Variants in GLUD1 observed in about 807,000 individuals in gnomAD.
GLUD1 encodes the protein glutamate dehydrogenase 1, mitochondrial.
Under a neutral mutation model 56.0 loss-of-function variants are expected in GLUD1, and 22 were observed. The ratio of observed to expected loss-of-function variants is 0.39; its 90% CI spans 0.28 to 0.56. GLUD1 has a LOEUF of 0.56. Ranked by LOEUF, GLUD1 falls within the 20% of genes least tolerant of loss-of-function variation. The pLI is 0.58. For missense variants in GLUD1, 451 were observed against 732.0 expected, an observed-to-expected ratio of 0.62 and a Z score of 4.43; for synonymous variants, 223 against 269.9, an observed-to-expected ratio of 0.83 and a Z score of 1.70.
In GLUD1 at chr10:87,066,105, G is replaced by A. The variant is rs187470118; in HGVS notation, c.741+1958C>T. On this transcript the variant is annotated intron_variant, in intron 5 of 12. Coordinates refer to ENST00000277865, the MANE Select transcript of GLUD1 (RefSeq NM_005271.5). ...TTCAGCATTGTCTATCTCTTGCACC[G>A]GTAAATCTGTGTCTTACAGCCAATA... is the stretch of plus-strand genomic sequence containing the variant. Among the ~76,000 whole-genome samples, 241 of 152,178 alleles carry A rather than the reference G, an allele frequency of 1.6e-3. 2 individuals carry two copies. The highest frequency in any genetic ancestry group is 5.4e-3 in the African/African-American group (226 of 41,512).
intron 11 of GLUD1, among the ~76,000 whole-genome samples, chr10:87,053,653 A>G (rs543349827): frequency 6.6e-6 from 1 of 152,348 alleles, no homozygotes; most frequent in African/African-American, 2.4e-5. Flanking sequence ...ATAAGATTAT[A>G]GTACAACAAT....
intron 4 of GLUD1, among the ~76,000 whole-genome samples, chr10:87,073,996 C>A (rs1846312246): frequency 6.6e-6 from 1 of 151,748 alleles, no homozygotes; most frequent in African/African-American, 2.4e-5. Flanking sequence ...TCTATTCAAA[C>A]AAATTAGAAG....
At chr10:87,053,230 A>G in intron 12 of GLUD1, 112 bp downstream of exon 12, 1 of 768,268 alleles carries the variant, frequency 1.3e-6, no homozygotes, top group East Asian at 2.5e-5. Flanking sequence ...AATGAGGACC[A>G]TTGAACAGAT....
chr10:87,075,679 T>C (rs559535477), intron 3 of GLUD1, among the ~76,000 whole-genome samples: 8 of 152,308 alleles, frequency 5.3e-5, no homozygotes, highest in African/African-American at 1.4e-4. Flanking sequence ...CCTAGCACTC[T>C]GGGAGGCCAA....
At chr10:87,060,074 A>T (rs1457839603) in intron 9 of GLUD1, 87 bp downstream of exon 9, 1 of 866,384 alleles carries the variant, frequency 1.2e-6, no homozygotes, top group Non-Finnish European at 2.0e-6. Context: ...CTTGGAGACT[A>T]ATAATTCCTC....
intron 11 of GLUD1, among the ~76,000 whole-genome samples, chr10:87,056,297 T>C (rs1406139565): frequency 6.7e-6 from 1 of 149,952 alleles, no homozygotes; most frequent in African/African-American, 2.4e-5. Context: ...CGTTTCTTTT[T>C]TTTTTTTTTT....
At chr10:87,070,853 G>A (rs780340708) in intron 4 of GLUD1, among the ~76,000 whole-genome samples, 1 of 151,950 alleles carries the variant, frequency 6.6e-6, no homozygotes, top group Non-Finnish European at 1.5e-5. Flanking sequence ...TCCTGAGGCC[G>A]GGTGCGGTGC....
At chr10:87,092,762 A>C (rs1841543183) in intron 1 of GLUD1, 1 of 171,238 alleles carries the variant, frequency 5.8e-6, no homozygotes, top group Admixed American at 6.5e-5. Flanking sequence ...GCTGCCAGCA[A>C]GATAGTAAAA....
chr10:87,052,312 C>G (rs1466424405), intron 12 of GLUD1, among the ~76,000 whole-genome samples: 1 of 151,960 alleles, frequency 6.6e-6, no homozygotes, highest in Non-Finnish European at 1.5e-5. Flanking sequence ...TATGGTGAAA[C>G]CCCATCTCTA....
intron 4 of GLUD1, among the ~76,000 whole-genome samples, chr10:87,073,944 T>C (rs1181426557): frequency 1.3e-5 from 2 of 152,100 alleles, no homozygotes; most frequent in South Asian, 2.1e-4. Context: ...TTCTATTAAC[T>C]ATACTGATAG....
intron 1 of GLUD1, among the ~76,000 whole-genome samples, chr10:87,093,372 G>A (rs1031768345): frequency 2.0e-5 from 3 of 152,066 alleles, no homozygotes; most frequent in African/African-American, 7.3e-5. Context: ...TCCATTTTAT[G>A]TTACTAAAGA....
Position 87,093,828 on chromosome 10 carries a change from G to A in GLUD1, c.445+497C>T, listed in dbSNP as rs979470981. 1.9e-4 allele frequency: 179 copies of A among 942,430 alleles called. 1 individual carries two copies. In the Middle Eastern group the frequency reaches 2.0e-3, roughly 10 times the overall value. 58.4% of individuals were successfully genotyped at this position (942,430 alleles called of 1,614,324 possible). A position where few individuals can be genotyped will look rare whatever the true frequency, so the allele number is the denominator to read the frequency against. ...TAAAACTGTCTAGATTTCAAACTTA[G>A]AAGCCAAGTCATTTTCTATGTTCGG... is the stretch of plus-strand genomic sequence containing the variant. On this transcript the variant is annotated intron_variant, in intron 1 of 12. Coordinates refer to ENST00000277865, the MANE Select transcript of GLUD1 (RefSeq NM_005271.5).
intron 11 of GLUD1, among the ~76,000 whole-genome samples, chr10:87,055,875 G>C (rs1169390746): frequency 6.6e-6 from 1 of 151,978 alleles, no homozygotes; most frequent in Non-Finnish European, 1.5e-5. Flanking sequence ...CAGCACTTTG[G>C]GAGGCCGAGG....
rs193064622 is a variant in GLUD1, at chr10:87,074,437, G to A, written c.646+114C>T. On this transcript the variant is annotated intron_variant, in intron 4 of 12. Coordinates refer to ENST00000277865, the MANE Select transcript of GLUD1 (RefSeq NM_005271.5). ...AATTGCTTGAACCCAGGAGGCGGAC[G>A]AGATCGCACCACTGCACTCTAGTCT... The A allele has an allele frequency of 1.3e-4, 93 of 723,228 alleles. No individual in the cohort carries two copies. The East Asian group carries it at 1.6e-3, about 13-fold the overall frequency. The allele number at this position is 723,228 out of a possible 1,614,324, so 44.8% of individuals were successfully genotyped here.
At chr10:87,061,075 A>G in intron 6 of GLUD1, 23 bp from the exon 7 acceptor site, 1 of 1,609,532 alleles carries the variant, frequency 6.2e-7, no homozygotes, top group Non-Finnish European at 8.5e-7. Context: ...ATTACCCATA[A>G]CACAAAAATT....
In GLUD1 at chr10:87,062,725, G is replaced by A; in HGVS notation, c.852C>T (p.Ile284=). 6.2e-7 allele frequency: 1 copy of A among 1,614,024 alleles called. No homozygotes were observed. Among genetic ancestry groups the A allele is most frequent in the Non-Finnish European group, 8.5e-7 (1 of 1,179,926 alleles). ...RGVFHGIENF[I]NEASYMSILG... is the part of the protein sequence containing the mutation. Reference sequence around the variant, plus strand: ...AAATGCTCATGTAAGAAGCTTCATTGATGAAATTTTCAATCCCATGGAAGA... The same window carrying A: ...AAATGCTCATGTAAGAAGCTTCATTAATGAAATTTTCAATCCCATGGAAGA... Residue 284 remains isoleucine (I), a synonymous_variant, in exon 6 of 13, where the codon ATC becomes ATT. Transcript: ENST00000277865.
chr10:87,084,033 T>A (rs1003127830), intron 1 of GLUD1, among the ~76,000 whole-genome samples: 8 of 152,170 alleles, frequency 5.3e-5, no homozygotes, highest in Non-Finnish European at 1.2e-4. Context: ...ACTGATGCCA[T>A]TAGAAACATG....
chr10:87,054,850 A>G (rs1845724784), intron 11 of GLUD1, among the ~76,000 whole-genome samples: 2 of 152,242 alleles, frequency 1.3e-5, no homozygotes, highest in African/African-American at 2.4e-5. Context: ...TGCCCACAAC[A>G]AGAACTGGAC....
chr10:87,061,583 T>C (rs553118781), intron 6 of GLUD1, among the ~76,000 whole-genome samples: 10 of 152,246 alleles, frequency 6.6e-5, no homozygotes, highest in African/African-American at 1.9e-4. Context: ...ATGTCCTATG[T>C]TGTGAAAAGG....
Sources: allele counts gnomAD v4.1 joint callset (sites outside exome capture counted in the v4.1 genomes callset), GRCh38; gene constraint gnomAD v4.1.1; transcripts MANE v1.5; gene names NCBI Gene and HGNC (gene_info 2026-07-23, HGNC 2026-07-21).